GPC5: variants seen among roughly 807,000 people sequenced by gnomAD.
The protein encoded by GPC5 is glypican-5.
GPC5 carries 47 observed loss-of-function variants against 53.9 expected under a neutral mutation model. The ratio of observed to expected loss-of-function variants is 0.87; its 90% CI spans 0.69 to 1.11. The LOEUF is 1.11. GPC5 is among the 50% of genes most tolerant of loss of function. The pLI, the probability that GPC5 is intolerant of heterozygous loss-of-function variation, is 0.00. For missense variants in GPC5, 748 were observed against 713.1 expected (o/e 1.05, Z -0.56); for synonymous variants, 286 against 263.3 (o/e 1.09, Z -0.84).
At chr13:91,513,381 T>C (rs1388705958) in intron 2 of GPC5, among the ~76,000 whole-genome samples, 1 of 151,928 alleles carries the variant, frequency 6.6e-6, no homozygotes, top group Non-Finnish European at 1.5e-5. Flanking sequence ...TGTGTGTGTA[T>C]TTAGTTGTGT....
At chr13:92,458,577 C>T (rs562711780) in intron 7 of GPC5, among the ~76,000 whole-genome samples, 2 of 151,798 alleles carry the variant, frequency 1.3e-5, no homozygotes, top group East Asian at 1.9e-4. Flanking sequence ...GGATTTCAGG[C>T]GTGAGCTACC....
intron 7 of GPC5, among the ~76,000 whole-genome samples, chr13:92,848,004 A>G (rs1000535250): frequency 2.0e-5 from 3 of 152,172 alleles, no homozygotes; most frequent in Admixed American, 6.5e-5. Context: ...TAGTTTGGGC[A>G]GTGAGTCCCG....
intron 5 of GPC5, among the ~76,000 whole-genome samples, chr13:91,801,253 TTGTG>T (rs71113762): frequency 0.13 from 19,065 of 146,204 alleles, 1,210 homozygotes; most frequent in African/African-American, 0.15. Flanking sequence ...CATCCATACT[TTGTG>T]TGTGTGTGTG....
chr13:92,161,182 C>T (rs375036369), intron 7 of GPC5, among the ~76,000 whole-genome samples: 3 of 152,146 alleles, frequency 2.0e-5, no homozygotes, highest in African/African-American at 7.2e-5. Context: ...AGAATGACAT[C>T]GGATTAATCT....
At chr13:92,158,600 G>A (rs999696390) in intron 7 of GPC5, among the ~76,000 whole-genome samples, 1 of 150,880 alleles carries the variant, frequency 6.6e-6, no homozygotes. Context: ...TTCACGCCCC[G>A]CATTTAATAA....
At chr13:92,598,388 A>T (rs1274022965) in intron 7 of GPC5, among the ~76,000 whole-genome samples, 5 of 148,628 alleles carry the variant, frequency 3.4e-5, no homozygotes, top group Admixed American at 6.7e-5. Flanking sequence ...GTCAGATCAA[A>T]TTTTTTTTTT....
rs577056720 is a variant in GPC5, at chr13:91,804,823, A to G, written c.1280+48403A>G. On this transcript the variant is annotated intron_variant, in intron 5 of 7. Coordinates refer to ENST00000377067, the MANE Select transcript of GPC5 (RefSeq NM_004466.6). Reference sequence around the variant, plus strand: ...CCATTACAGTGAGACTTTACTGGAGATGTGTGCATGTGAACTTCACTCAGG... The same window carrying G: ...CCATTACAGTGAGACTTTACTGGAGGTGTGTGCATGTGAACTTCACTCAGG... Among the ~76,000 whole-genome samples, 165 of 152,270 alleles carry G rather than the reference A, an allele frequency of 1.1e-3. 2 individuals are homozygous for G. Among genetic ancestry groups the G allele is most frequent in the African/African-American group, 3.8e-3 (160 of 41,566 alleles).
At chr13:91,806,280 C>T (rs1211897808) in intron 5 of GPC5, among the ~76,000 whole-genome samples, 1 of 151,808 alleles carries the variant, frequency 6.6e-6, no homozygotes, top group Non-Finnish European at 1.5e-5. Flanking sequence ...GACAATCCAC[C>T]CACCTTGGCC....
intron 7 of GPC5, among the ~76,000 whole-genome samples, chr13:92,159,011 C>T (rs908491145): frequency 3.3e-5 from 5 of 152,136 alleles, no homozygotes; most frequent in Non-Finnish European, 5.9e-5. Context: ...CTCACATGTT[C>T]TATGATTCTG....
At chr13:92,201,938 C>G (rs1287266930) in intron 7 of GPC5, among the ~76,000 whole-genome samples, 2 of 152,098 alleles carry the variant, frequency 1.3e-5, no homozygotes, top group East Asian at 3.8e-4. Flanking sequence ...TGTGAAGTAG[C>G]AGGATTGTTA....
intron 1 of GPC5, among the ~76,000 whole-genome samples, chr13:91,448,105 A>G (rs529268370): frequency 2.0e-5 from 3 of 152,358 alleles, no homozygotes; most frequent in Admixed American, 6.5e-5. Flanking sequence ...TTCATGCAAT[A>G]TACATCTTCA....
intron 7 of GPC5, among the ~76,000 whole-genome samples, chr13:92,639,779 A>T (rs978457763): frequency 3.9e-5 from 6 of 152,194 alleles, no homozygotes; most frequent in Admixed American, 3.9e-4. Flanking sequence ...TTGAAAAGCA[A>T]ATGGGTGCAG....
At chr13:91,914,652 T>A (rs189916964) in intron 6 of GPC5, among the ~76,000 whole-genome samples, 2 of 38,600 alleles carry the variant, frequency 5.2e-5, no homozygotes. Flanking sequence ...TAGTCTTTTT[T>A]TCACTCTGTT....
At chr13:92,758,581 G>C (rs980867242) in intron 7 of GPC5, among the ~76,000 whole-genome samples, 1 of 152,132 alleles carries the variant, frequency 6.6e-6, no homozygotes, top group Non-Finnish European at 1.5e-5. Flanking sequence ...TCTGAACATA[G>C]AGTGGCCATT....
intron 7 of GPC5, among the ~76,000 whole-genome samples, chr13:92,739,355 G>C (rs935788324): frequency 6.6e-6 from 1 of 152,044 alleles, no homozygotes; most frequent in African/African-American, 2.4e-5. Flanking sequence ...GCCATGAAGA[G>C]CATGAGGAAC....
intron 6 of GPC5, among the ~76,000 whole-genome samples, chr13:92,122,302 TCTG>T (rs1309640949): frequency 2.0e-5 from 3 of 149,392 alleles, no homozygotes; most frequent in Non-Finnish European, 3.0e-5. Flanking sequence ...TTTTTTTTAA[TCTG>T]CTGGCCCTTT....
intron 6 of GPC5, among the ~76,000 whole-genome samples, chr13:92,135,564 G>A (rs1483096628): frequency 6.6e-6 from 1 of 152,100 alleles, no homozygotes; most frequent in Non-Finnish European, 1.5e-5. Flanking sequence ...TGGTAATGGA[G>A]AGACATACAG....
intron 7 of GPC5, among the ~76,000 whole-genome samples, chr13:92,779,455 A>G (rs1875941563): frequency 6.6e-6 from 1 of 152,192 alleles, no homozygotes; most frequent in Non-Finnish European, 1.5e-5. Context: ...CTGCGAAAAA[A>G]AAAATGTGAC....
chr13:92,324,798 G>A (rs1215298011), intron 7 of GPC5, among the ~76,000 whole-genome samples: 1 of 151,636 alleles, frequency 6.6e-6, no homozygotes, highest in Non-Finnish European at 1.5e-5. Flanking sequence ...AGTGATTTTA[G>A]AAATCTGAAA....
Sources: gnomAD v4.1 joint callset for allele counts (sites outside exome capture counted in the v4.1 genomes callset) on GRCh38, gnomAD v4.1.1 for gene constraint, MANE v1.5 for transcripts, NCBI Gene and HGNC (gene_info 2026-07-23, HGNC 2026-07-21) for gene names.